ST3GAL3: variants seen among roughly 807,000 people sequenced by gnomAD.
The protein encoded by ST3GAL3 is ST3 beta-galactoside alpha-2,3-sialyltransferase 3.
A neutral mutation model predicts 50.1 loss-of-function variants in ST3GAL3; 21 were observed. The ratio of observed to expected loss-of-function variants is 0.42; its 90% CI spans 0.30 to 0.60. The LOEUF (loss-of-function observed/expected upper bound fraction) is 0.60, where lower values mean the gene tolerates loss of function less well. Ranked by LOEUF, ST3GAL3 falls within the 20% of genes least tolerant of loss-of-function variation. The pLI is 0.19. For synonymous variants in ST3GAL3, 183 were observed against 190.0 expected, an observed-to-expected ratio of 0.96 and a Z score of 0.30; for missense variants, 353 against 489.4, an observed-to-expected ratio of 0.72 and a Z score of 2.63.
chr1:43,844,840 A>G lies in ST3GAL3; in HGVS notation c.302+6529A>G, dbSNP rs530329300. On this transcript the variant is annotated intron_variant, in intron 5 of 11. Coordinates refer to ENST00000347631, the MANE Select transcript of ST3GAL3 (RefSeq NM_006279.5). ...AGACTCCGTCTAAAAAAAAAAAAAA[A>G]GACTAGATATTAGAACAAAAGATTC... Among the ~76,000 whole-genome samples, 6 of 151,568 alleles carry G rather than the reference A, an allele frequency of 4.0e-5. No individual in the cohort carries two copies. In the East Asian group the frequency reaches 7.8e-4, roughly 20 times the overall value.
rs1208925172 is a variant in ST3GAL3, at chr1:43,899,492, T to C, written c.558-49T>C. ...TGCCTGGGATAGTCTGGGGTCATGG[T>C]GCCTTCCCAAACACAGGCCCAGGCT... On this transcript the variant is annotated intron_variant, in intron 8 of 11. Coordinates refer to ENST00000347631, the MANE Select transcript of ST3GAL3 (RefSeq NM_006279.5). The surrounding 1 kb of genome is among the most constrained non-coding windows in gnomAD (Gnocchi z 5.4). 4.4e-6 allele frequency: 7 copies of C among 1,606,546 alleles called. No individual in the cohort carries two copies. Among genetic ancestry groups the C allele is most frequent in the Non-Finnish European group, 5.9e-6 (7 of 1,179,194 alleles).
chr1:43,718,482 CCTGT>C (rs1233502876), intron 1 of ST3GAL3, among the ~76,000 whole-genome samples: 1 of 151,726 alleles, frequency 6.6e-6, no homozygotes, highest in Non-Finnish European at 1.5e-5. Context: ...AGCCACTGCG[CCTGT>C]CTATCATTAA....
At chr1:43,921,471 CT>C in intron 11 of ST3GAL3, 1 of 404,464 alleles carries the variant, frequency 2.5e-6, no homozygotes, top group Non-Finnish European at 4.4e-6. Flanking sequence ...AATCTGAACC[CT>C]TCTGAACTCC....
intron 9 of ST3GAL3, among the ~76,000 whole-genome samples, chr1:43,908,423 G>A (rs1192286882): frequency 6.6e-6 from 1 of 152,174 alleles, no homozygotes; most frequent in Non-Finnish European, 1.5e-5. Flanking sequence ...CAACTTATCA[G>A]ATGTACATTT....
At chr1:43,830,716 T>C (rs562183741) in intron 4 of ST3GAL3, among the ~76,000 whole-genome samples, 1 of 152,336 alleles carries the variant, frequency 6.6e-6, no homozygotes, top group East Asian at 1.9e-4. Context: ...AGGATGCTAG[T>C]TTATAACAAG....
intron 4 of ST3GAL3, among the ~76,000 whole-genome samples, chr1:43,822,255 C>T (rs949727547): frequency 2.0e-5 from 3 of 152,120 alleles, no homozygotes; most frequent in Non-Finnish European, 2.9e-5. Context: ...TTGAAGGAGC[C>T]AGATCCTGGT....
chr1:43,858,244 A>G, intron 5 of ST3GAL3: 1 of 1,289,130 alleles, frequency 7.8e-7, no homozygotes, highest in Non-Finnish European at 1.0e-6. Context: ...CAGCTGGAGG[A>G]GTGATGAGAG....
intron 2 of ST3GAL3, among the ~76,000 whole-genome samples, chr1:43,761,144 C>A (rs1057265217): frequency 1.3e-5 from 2 of 152,178 alleles, no homozygotes; most frequent in African/African-American, 4.8e-5. Context: ...GGAAGAATGT[C>A]CCTCCGGGAG....
At chr1:43,714,465 C>T (rs1666377307) in intron 1 of ST3GAL3, among the ~76,000 whole-genome samples, 1 of 145,324 alleles carries the variant, frequency 6.9e-6, no homozygotes, top group African/African-American at 2.5e-5. Flanking sequence ...ATTAGCTGGG[C>T]ATGGCAGCGT....
chr1:43,775,782 C>G (rs1262010235), intron 2 of ST3GAL3, among the ~76,000 whole-genome samples: 1 of 151,932 alleles, frequency 6.6e-6, no homozygotes, highest in Non-Finnish European at 1.5e-5. Flanking sequence ...AGGACACAAA[C>G]CAGGAGTTTT....
chr1:43,750,216 T>C (rs549934629), intron 2 of ST3GAL3, among the ~76,000 whole-genome samples: 1 of 152,356 alleles, frequency 6.6e-6, no homozygotes, highest in Non-Finnish European at 1.5e-5. Context: ...AACTCTCTTG[T>C]GTTTTCAAAT....
chr1:43,859,824 C>CT (rs2069460590), intron 5 of ST3GAL3, among the ~76,000 whole-genome samples: 1 of 152,230 alleles, frequency 6.6e-6, no homozygotes. Context: ...TCCAAGGTGA[C>CT]TATGATCAGT....
chr1:43,917,523 T>A (rs1390299967), intron 9 of ST3GAL3, among the ~76,000 whole-genome samples: 16 of 67,602 alleles, frequency 2.4e-4, no homozygotes, highest in East Asian at 1.0e-3. Context: ...ATAATATATA[T>A]TATATTATAT....
At chr1:43,749,102 G>C (rs1448523739) in intron 2 of ST3GAL3, among the ~76,000 whole-genome samples, 1 of 152,150 alleles carries the variant, frequency 6.6e-6, no homozygotes, top group East Asian at 1.9e-4. Context: ...AATTCAGTGG[G>C]ATAGGGAGTC....
At chr1:43,908,700 C>T (rs373035944) in intron 9 of ST3GAL3, among the ~76,000 whole-genome samples, 6 of 151,286 alleles carry the variant, frequency 4.0e-5, no homozygotes, top group Non-Finnish European at 7.4e-5. Context: ...AATCTCAGCT[C>T]GCTGAAACCT....
At chr1:43,840,104 C>T (rs1234735751) in intron 5 of ST3GAL3, 1 of 151,406 alleles carries the variant, frequency 6.6e-6, no homozygotes, top group Non-Finnish European at 1.5e-5. Context: ...TCTTGGCTCA[C>T]TGCAGCCTTG....
intron 2 of ST3GAL3, among the ~76,000 whole-genome samples, chr1:43,780,785 T>A (rs1293506075): frequency 6.6e-6 from 1 of 152,158 alleles, no homozygotes; most frequent in Non-Finnish European, 1.5e-5. Context: ...TAACATTTCT[T>A]CTCTCTGAGG....
chr1:43,920,278 GC>G, intron 9 of ST3GAL3, 125 bp from the exon 10 acceptor site: 1 of 1,146,232 alleles, frequency 8.7e-7, no homozygotes, highest in Non-Finnish European at 1.3e-6. Flanking sequence ...TACACCACAG[GC>G]CCTGGGTTCC....
At chr1:43,817,459 TTTCTTC>T (rs1261946008) in intron 4 of ST3GAL3, among the ~76,000 whole-genome samples, 3 of 144,446 alleles carry the variant, frequency 2.1e-5, no homozygotes, top group African/African-American at 7.6e-5. Flanking sequence ...TTCTTTCTTC[TTTCTTC>T]TTCTCCTTCT....
Sources: allele counts gnomAD v4.1 joint callset (sites outside exome capture counted in the v4.1 genomes callset), GRCh38; gene constraint gnomAD v4.1.1; non-coding constraint Gnocchi (gnomAD v3.1); transcripts MANE v1.5; gene names NCBI Gene and HGNC (gene_info 2026-07-23, HGNC 2026-07-21).